The following CDK5RAP2 variants were observed in gnomAD, a reference collection of about 807,000 sequenced individuals.
The protein encoded by CDK5RAP2 is CDK5 regulatory subunit-associated protein 2.
In CDK5RAP2, 147 loss-of-function variants were observed where a neutral mutation model predicts 232.9. The ratio of observed to expected loss-of-function variants is 0.63; its 90% CI spans 0.55 to 0.72. The LOEUF (loss-of-function observed/expected upper bound fraction) is 0.72, where lower values mean the gene tolerates loss of function less well. Ranked by LOEUF, CDK5RAP2 falls within the 30% of genes least tolerant of loss-of-function variation. The pLI is 0.00. For synonymous variants in CDK5RAP2, 833 were observed against 833.7 expected, an observed-to-expected ratio of 1.00 and a Z score of 0.01; for missense variants, 2,195 against 2,231.5, an observed-to-expected ratio of 0.98 and a Z score of 0.33.
chr9:120,448,257 G>A (rs1162033956), intron 21 of CDK5RAP2, 131 bp from the exon 22 acceptor site: 3 of 752,046 alleles, frequency 4.0e-6, no homozygotes, highest in African/African-American at 1.7e-5. Flanking sequence ...TCCCATAATG[G>A]CAGCTATGCT....
At chr9:120,575,419 TC>T (rs2042998480) in intron 1 of CDK5RAP2, among the ~76,000 whole-genome samples, 1 of 152,138 alleles carries the variant, frequency 6.6e-6, no homozygotes, top group Non-Finnish European at 1.5e-5. Flanking sequence ...CACCACCTCA[TC>T]CTCCTATCTT....
chr9:120,470,564 T>C (rs1020499076), intron 16 of CDK5RAP2, among the ~76,000 whole-genome samples: 2 of 152,164 alleles, frequency 1.3e-5, no homozygotes, highest in African/African-American at 4.8e-5. Flanking sequence ...AATGAGGGAC[T>C]GATTCTGTTT....
intron 1 of CDK5RAP2, among the ~76,000 whole-genome samples, chr9:120,572,272 C>T (rs1332067452): frequency 6.6e-6 from 1 of 152,160 alleles, no homozygotes; most frequent in Non-Finnish European, 1.5e-5. Flanking sequence ...TTCAGTCATA[C>T]ATCAAATGTT....
chr9:120,434,061 C>T (rs7026558), intron 25 of CDK5RAP2, among the ~76,000 whole-genome samples: 10,416 of 152,080 alleles, frequency 0.068, 652 homozygotes, highest in African/African-American at 0.17. Flanking sequence ...AAGATGGTTA[C>T]GGGTAGTAAA....
At chr9:120,515,060 CAG>C (rs149313727) in intron 12 of CDK5RAP2, among the ~76,000 whole-genome samples, 189 of 147,104 alleles carry the variant, frequency 1.3e-3, no homozygotes, top group South Asian at 2.1e-3. Context: ...TCGAGAGAGA[CAG>C]AGAGAGAGAG....
intron 36 of CDK5RAP2, chr9:120,390,423 G>A (rs1361043963): frequency 6.5e-6 from 1 of 155,002 alleles, no homozygotes; most frequent in Non-Finnish European, 1.4e-5. Context: ...GCCTGGACAA[G>A]AGCTGGTTGG....
At chr9:120,537,954 T>A (rs943501183) in intron 6 of CDK5RAP2, among the ~76,000 whole-genome samples, 1 of 152,158 alleles carries the variant, frequency 6.6e-6, no homozygotes. Flanking sequence ...AGCTAGTAAG[T>A]GACAGAGCAG....
At chr9:120,454,947 A>G (rs923809686) in intron 20 of CDK5RAP2, among the ~76,000 whole-genome samples, 1 of 152,120 alleles carries the variant, frequency 6.6e-6, no homozygotes, top group Admixed American at 6.5e-5. Flanking sequence ...TAAATCCCTT[A>G]CACTCTAATC....
At chr9:120,562,527 C>T (rs116210056) in intron 3 of CDK5RAP2, among the ~76,000 whole-genome samples, 2 of 152,130 alleles carry the variant, frequency 1.3e-5, no homozygotes, top group African/African-American at 4.8e-5. Context: ...CTATGACACT[C>T]GCTCTGCCAG....
At chr9:120,452,817 G>A (rs1356164097) in intron 21 of CDK5RAP2, among the ~76,000 whole-genome samples, 1 of 152,048 alleles carries the variant, frequency 6.6e-6, no homozygotes, top group Non-Finnish European at 1.5e-5. Flanking sequence ...TACAGTGGGA[G>A]TCCCAGCTCA....
intron 19 of CDK5RAP2, 122 bp downstream of exon 19, chr9:120,460,450 A>C (rs188225498): frequency 4.5e-6 from 4 of 890,192 alleles, no homozygotes; most frequent in Non-Finnish European, 5.5e-6. Context: ...CCACTGGCAC[A>C]TGAAAGGTAC....
Position 120,568,316 on chromosome 9 carries a change from C to G in CDK5RAP2, c.195+5G>C. 6.2e-7 allele frequency: 1 copy of G among 1,608,296 alleles called. No individual in the cohort carries two copies. Among genetic ancestry groups the G allele is most frequent in the Non-Finnish European group, 8.5e-7 (1 of 1,174,638 alleles). Reference sequence around the variant, plus strand: ...TGGGGGCAGTAATTTGGTATTTCCACTTACATTTTCAAAGTCCTTCATGTT... The same window carrying G: ...TGGGGGCAGTAATTTGGTATTTCCAGTTACATTTTCAAAGTCCTTCATGTT... On this transcript the variant is annotated splice_donor_5th_base_variant and intron_variant, in intron 3 of 37. Transcript: ENST00000349780.
chr9:120,415,281 T>A (rs935754879), intron 27 of CDK5RAP2, 122 bp from the exon 28 acceptor site: 19 of 1,127,364 alleles, frequency 1.7e-5, no homozygotes, highest in African/African-American at 3.1e-5. Flanking sequence ...GGTTAGCAAC[T>A]GGCAATTCTT....
At position 120,557,818 on chromosome 9, in the gene CDK5RAP2, G is replaced by A. The variant is rs544545765; in HGVS notation, c.196-6916C>T. Among the ~76,000 whole-genome samples, 6 of 146,214 alleles carry A rather than the reference G, an allele frequency of 4.1e-5. No individual in the cohort carries two copies. The South Asian group carries it at 6.6e-4, about 16-fold the overall frequency. ...CTCGCTCTGTCACCCAGGCTGGAGTGCAGTGGTGCAATCTCGGCTCACTGC... is the reference window on the plus strand; with the variant it reads ...CTCGCTCTGTCACCCAGGCTGGAGTACAGTGGTGCAATCTCGGCTCACTGC... On this transcript the variant is annotated intron_variant, in intron 3 of 37. Transcript: ENST00000349780.
Position 120,402,734 on chromosome 9 carries a change from T to C in CDK5RAP2, c.5307+72A>G, listed in dbSNP as rs965481103. On this transcript the variant is annotated intron_variant, in intron 34 of 37. Coordinates refer to ENST00000349780, the MANE Select transcript of CDK5RAP2 (RefSeq NM_018249.6). Reference sequence around the variant, plus strand: ...GTCCTAATGAGGACAACTGCGCCATTTGACTCCCCTCCCCCTTCCACCGAC... The same window carrying C: ...GTCCTAATGAGGACAACTGCGCCATCTGACTCCCCTCCCCCTTCCACCGAC... 1.3e-5 allele frequency: 21 copies of C among 1,574,296 alleles called. No individual in the cohort carries two copies. In the African/African-American group the frequency reaches 1.8e-4, roughly 13 times the overall value.
At chr9:120,539,989 G>T (rs1460088411) in intron 5 of CDK5RAP2, among the ~76,000 whole-genome samples, 1 of 152,140 alleles carries the variant, frequency 6.6e-6, no homozygotes, top group Non-Finnish European at 1.5e-5. Flanking sequence ...AATGCATCAG[G>T]ATCAATCTGT....
rs2037039660 is a variant in CDK5RAP2 at position 120,460,736 on chromosome 9, A to G, written c.2107-69T>C. 1.9e-6 allele frequency: 3 copies of G among 1,603,602 alleles called. No individual in the cohort carries two copies. In the African/African-American group the frequency reaches 4.0e-5, roughly 21 times the overall value. On this transcript the variant is annotated intron_variant, in intron 18 of 37. Transcript: ENST00000349780. ...TGTGCAGCATGAATATGTATGAATA[A>G]GTCAGTGATGTCTTTTTTTTTTTAA...
chr9:120,517,913 CA>C, intron 12 of CDK5RAP2: 1 of 301,906 alleles, frequency 3.3e-6, no homozygotes, highest in South Asian at 3.0e-5. Flanking sequence ...AACAAAGAAT[CA>C]GTGGATAAAT....
intron 26 of CDK5RAP2, among the ~76,000 whole-genome samples, chr9:120,420,815 A>T (rs1300801337): frequency 6.6e-6 from 1 of 152,258 alleles, no homozygotes; most frequent in African/African-American, 2.4e-5. Context: ...ATGGATGCAC[A>T]GGCTTGCTGC....
Sources: allele counts gnomAD v4.1 joint callset (sites outside exome capture counted in the v4.1 genomes callset), GRCh38; gene constraint gnomAD v4.1.1; transcripts MANE v1.5; gene names NCBI Gene and HGNC (gene_info 2026-07-23, HGNC 2026-07-21).